PHLPP1: variants seen among roughly 807,000 people sequenced by gnomAD.
PHLPP1 encodes PH domain and leucine rich repeat protein phosphatase 1.
Under a neutral mutation model 117.2 loss-of-function variants are expected in PHLPP1, and 42 were observed. The ratio of observed to expected loss-of-function variants is 0.36; its 90% CI spans 0.28 to 0.46. The LOEUF is 0.46. Ranked by LOEUF, PHLPP1 falls within the 20% of genes least tolerant of loss-of-function variation. The pLI is 1.00. For missense variants in PHLPP1, 2,084 were observed against 2,241.9 expected, an observed-to-expected ratio of 0.93 and a Z score of 1.42; for synonymous variants, 1,042 against 970.7, an observed-to-expected ratio of 1.07 and a Z score of -1.37.
intron 3 of PHLPP1, among the ~76,000 whole-genome samples, chr18:62,854,350 C>G (rs573135029): frequency 1.3e-5 from 2 of 152,336 alleles, no homozygotes; most frequent in African/African-American, 4.8e-5. Context: ...CACTGGATGG[C>G]ATCACTGTTG....
intron 10 of PHLPP1, among the ~76,000 whole-genome samples, chr18:62,935,058 G>C (rs1227927158): frequency 1.3e-5 from 2 of 152,160 alleles, no homozygotes; most frequent in Non-Finnish European, 2.9e-5. Flanking sequence ...AGATCAATTA[G>C]AGGCATGAGC....
intron 1 of PHLPP1, among the ~76,000 whole-genome samples, chr18:62,752,799 T>C (rs991350602): frequency 3.3e-5 from 5 of 152,220 alleles, no homozygotes; most frequent in African/African-American, 1.2e-4. Context: ...AAGTGTCTGC[T>C]CTCTTACTGT....
At chr18:62,779,721 C>T (rs1226019809) in intron 1 of PHLPP1, among the ~76,000 whole-genome samples, 2 of 152,136 alleles carry the variant, frequency 1.3e-5, no homozygotes, top group Non-Finnish European at 2.9e-5. Context: ...TTCAATTTGT[C>T]GGGTCATGAT....
intron 1 of PHLPP1, among the ~76,000 whole-genome samples, chr18:62,763,755 A>G (rs1300797747): frequency 6.6e-6 from 1 of 152,088 alleles, no homozygotes; most frequent in Admixed American, 6.5e-5. Context: ...CTTTGACATC[A>G]TACCTCTGTC....
chr18:62,905,558 T>G (rs1916827450), intron 8 of PHLPP1, among the ~76,000 whole-genome samples: 1 of 152,240 alleles, frequency 6.6e-6, no homozygotes, highest in South Asian at 2.1e-4. Context: ...AAAGCTCTAA[T>G]AACTCTTTTC....
At position 62,978,836 on chromosome 18, in the gene PHLPP1, C is replaced by G; in HGVS notation, c.4559C>G (p.Pro1520Arg). 1 of 1,609,172 alleles carries G rather than the reference C, an allele frequency of 6.2e-7. No individual in the cohort carries two copies. Among genetic ancestry groups the G allele is most frequent in the Non-Finnish European group, 8.5e-7 (1 of 1,177,832 alleles). The change falls in exon 17 of 17, where the codon CCC becomes CGC. Residue 1520 changes from proline to arginine, a missense_variant. Pro to Arg is a moderately radical substitution (Grantham distance 103, BLOSUM62 -2). Transcript: ENST00000262719. This position sits in a 1 kb window ranked among gnomAD's most constrained non-coding sequence, Gnocchi z 7.0. Reference protein sequence around the residue: ...YPSEQRCMLHPICLSNSFQRQ... With the variant: ...YPSEQRCMLHRICLSNSFQRQ... ...AGTGAGCAGCGCTGCATGCTCCACC[C>G]CATCTGTCTGTCCAACTCCTTCCAG...
chr18:62,844,364 A>G (rs570582967), intron 3 of PHLPP1, among the ~76,000 whole-genome samples: 1 of 152,330 alleles, frequency 6.6e-6, no homozygotes, highest in South Asian at 2.1e-4. Flanking sequence ...AAATAAAAAT[A>G]AAGTATTTTT....
chr18:62,887,849 C>A (rs1448340768), intron 4 of PHLPP1, among the ~76,000 whole-genome samples: 1 of 152,072 alleles, frequency 6.6e-6, no homozygotes, highest in African/African-American at 2.4e-5. Flanking sequence ...GCTGTCCTCC[C>A]ACCTCAGCCT....
intron 15 of PHLPP1, among the ~76,000 whole-genome samples, chr18:62,974,365 C>T (rs149759687): frequency 2.6e-5 from 4 of 152,198 alleles, no homozygotes; most frequent in East Asian, 1.9e-4. Context: ...GGTCTTTGTG[C>T]GGGATTTCCT....
chr18:62,751,099 G>A (rs751530035), intron 1 of PHLPP1, among the ~76,000 whole-genome samples: 3 of 152,294 alleles, frequency 2.0e-5, no homozygotes, highest in Middle Eastern at 3.4e-3. Flanking sequence ...TGAGATGTCC[G>A]TGATCCATAG....
In PHLPP1 at chr18:62,715,942, G is replaced by T; in HGVS notation, c.259G>T (p.Ala87Ser). The change falls in exon 1 of 17, where the codon GCG (alanine) becomes TCG (serine). Residue 87 changes from alanine to serine, a missense_variant. Around this residue, in one of 2 missense-constraint regions of PHLPP1, gnomAD observed 719 missense variants for 636.0 expected, o/e 1.13. Transcript: ENST00000262719. ...GCCGCCGGGGCCGCTGCCGGGCAGA[G>T]CGGGGGGTGCCGGGCGCAGGAGGCG... ...EAPPGPLPGRAGGAGRRRRRG... is the reference protein window; with the variant it reads ...EAPPGPLPGRSGGAGRRRRRG... The T allele has an allele frequency of 8.6e-7, 1 of 1,157,534 alleles. No individual in the cohort carries two copies. Among genetic ancestry groups the T allele is most frequent in the Non-Finnish European group, 1.1e-6 (1 of 938,936 alleles). 71.7% of individuals were successfully genotyped at this position (1,157,534 alleles called of 1,614,324 possible).
intron 3 of PHLPP1, among the ~76,000 whole-genome samples, chr18:62,858,790 T>C (rs1199993190): frequency 6.6e-6 from 1 of 152,150 alleles, no homozygotes; most frequent in African/African-American, 2.4e-5. Flanking sequence ...AAATATTTTT[T>C]TTAATAAAAA....
chr18:62,921,405 G>A (rs376903893), intron 10 of PHLPP1, among the ~76,000 whole-genome samples: 2 of 152,170 alleles, frequency 1.3e-5, no homozygotes, highest in African/African-American at 2.4e-5. Context: ...TGAAATGGCC[G>A]TCTGCGATCT....
intron 3 of PHLPP1, chr18:62,843,125 A>G (rs1915094081): frequency 6.6e-6 from 1 of 152,206 alleles, no homozygotes; most frequent in African/African-American, 2.4e-5. Context: ...TTACTATGGA[A>G]ATGTTTAGTT....
At chr18:62,786,416 T>C (rs1468106200) in intron 1 of PHLPP1, among the ~76,000 whole-genome samples, 2 of 152,210 alleles carry the variant, frequency 1.3e-5, no homozygotes, top group Non-Finnish European at 2.9e-5. Flanking sequence ...TTAACTATCA[T>C]TATTACTTTT....
intron 1 of PHLPP1, among the ~76,000 whole-genome samples, chr18:62,719,212 T>A (rs183709268): frequency 3.3e-4 from 50 of 152,330 alleles, no homozygotes; most frequent in African/African-American, 1.2e-3. Context: ...ATCCACCCTA[T>A]TCTTGAACAT....
intron 1 of PHLPP1, among the ~76,000 whole-genome samples, chr18:62,809,256 G>A (rs2144309641): frequency 6.6e-6 from 1 of 152,280 alleles, no homozygotes; most frequent in East Asian, 1.9e-4. Context: ...GGCCTAAGTG[G>A]TATCACAATG....
At chr18:62,857,728 C>T (rs1915534236) in intron 3 of PHLPP1, among the ~76,000 whole-genome samples, 2 of 152,216 alleles carry the variant, frequency 1.3e-5, no homozygotes, top group South Asian at 4.1e-4. Context: ...TGTCCTTGCA[C>T]TTCCTATTCT....
At chr18:62,746,491 T>G (rs1033970210) in intron 1 of PHLPP1, among the ~76,000 whole-genome samples, 5 of 152,248 alleles carry the variant, frequency 3.3e-5, no homozygotes, top group Admixed American at 1.3e-4. Context: ...GAACACTATT[T>G]GAATGATGTT....
Sources: gnomAD v4.1 joint callset for allele counts (sites outside exome capture counted in the v4.1 genomes callset) on GRCh38, gnomAD v4.1.1 for gene constraint, gnomAD v4.1.1 regional missense constraint, Gnocchi (gnomAD v3.1) non-coding constraint, MANE v1.5 for transcripts, NCBI Gene and HGNC (gene_info 2026-07-23, HGNC 2026-07-21) for gene names.